Variants in PLEKHA2 observed in about 807,000 individuals in gnomAD.
The protein encoded by PLEKHA2 is pleckstrin homology domain-containing family A member 2.
PLEKHA2 carries 28 observed loss-of-function variants against 53.2 expected under a neutral mutation model. The observed-to-expected ratio is 0.53, with a 90% CI of 0.39 to 0.72. The LOEUF is 0.72. Ranked by LOEUF, PLEKHA2 falls within the 30% of genes least tolerant of loss-of-function variation. The probability of loss-of-function intolerance (pLI) is 0.00; values close to 1 mark genes in which losing one functional copy is unlikely to be tolerated. For missense variants in PLEKHA2, 426 were observed against 537.9 expected, an observed-to-expected ratio of 0.79 and a Z score of 2.06; for synonymous variants, 193 against 196.4, an observed-to-expected ratio of 0.98 and a Z score of 0.14.
intron 2 of PLEKHA2, among the ~76,000 whole-genome samples, chr8:38,926,581 A>AT (rs1834293111): frequency 6.6e-6 from 1 of 152,156 alleles, no homozygotes; most frequent in Non-Finnish European, 1.5e-5. Context: ...TAGCCATCAT[A>AT]TTTTTTAAAC....
At chr8:38,938,647 T>C (rs888601429) in intron 3 of PLEKHA2, among the ~76,000 whole-genome samples, 5 of 152,208 alleles carry the variant, frequency 3.3e-5, no homozygotes, top group African/African-American at 1.2e-4. Context: ...ACGGGGGACC[T>C]GTGCCCACTC....
intron 1 of PLEKHA2, among the ~76,000 whole-genome samples, chr8:38,910,834 G>A (rs917744180): frequency 6.6e-6 from 1 of 152,176 alleles, no homozygotes; most frequent in African/African-American, 2.4e-5. Flanking sequence ...GTCCATTAAT[G>A]TTATGCAACC....
At position 38,911,635 on chromosome 8, in the gene PLEKHA2, C is replaced by T. The variant is rs774745686; in HGVS notation, c.-23-6272C>T. On this transcript the variant is annotated intron_variant, in intron 1 of 11. Transcript: ENST00000617275. ...GGGAACTCTTGAGATAAACCACCCTCGGTCACCCTCTACCCAATATTTTCA... is the reference window on the plus strand; with the variant it reads ...GGGAACTCTTGAGATAAACCACCCTTGGTCACCCTCTACCCAATATTTTCA... 3.9e-5 allele frequency among the ~76,000 whole-genome samples: 6 copies of T among 152,156 alleles called. No homozygotes were observed. In the South Asian group the frequency reaches 6.2e-4, roughly 16 times the overall value.
rs889751207 is a variant in PLEKHA2, at chr8:38,906,909, A to G, written c.-24+5464A>G. ...TATGTATTCTAGCAACAGGTGAGTGACTGCTCCATATCTCTATACCTCAGT... is the reference window on the plus strand; with the variant it reads ...TATGTATTCTAGCAACAGGTGAGTGGCTGCTCCATATCTCTATACCTCAGT... On this transcript the variant is annotated intron_variant, in intron 1 of 11. Transcript: ENST00000617275. 4.6e-5 allele frequency among the ~76,000 whole-genome samples: 7 copies of G among 152,180 alleles called. 1 individual carries two copies. The highest frequency in any genetic ancestry group is 1.7e-4 in the African/African-American group (7 of 41,438).
At chr8:38,968,730 C>T in intron 11 of PLEKHA2, 61 bp downstream of exon 11, 1 of 1,575,210 alleles carries the variant, frequency 6.3e-7, no homozygotes, top group Non-Finnish European at 8.7e-7. Context: ...CTCAAGCAGG[C>T]ATGTTTTATT....
At chr8:38,947,640 A>G (rs1381296277) in intron 5 of PLEKHA2, among the ~76,000 whole-genome samples, 2 of 152,118 alleles carry the variant, frequency 1.3e-5, no homozygotes, top group African/African-American at 2.4e-5. Flanking sequence ...AGTCTCAGGT[A>G]GTGTAAACAG....
intron 10 of PLEKHA2, among the ~76,000 whole-genome samples, chr8:38,960,046 T>C (rs201692441): frequency 6.6e-6 from 1 of 152,188 alleles, no homozygotes; most frequent in East Asian, 1.9e-4. Flanking sequence ...AGCTTTGGAC[T>C]AAAGACAGCA....
At chr8:38,948,778 A>G (rs2129421634) in intron 5 of PLEKHA2, among the ~76,000 whole-genome samples, 2 of 152,262 alleles carry the variant, frequency 1.3e-5, no homozygotes, top group South Asian at 2.1e-4. Flanking sequence ...CCCGGCAGAT[A>G]GATGTAGGGT....
intron 8 of PLEKHA2, 134 bp downstream of exon 8, chr8:38,952,838 C>A: frequency 1.2e-6 from 1 of 849,598 alleles, no homozygotes; most frequent in African/African-American, 1.7e-5. Flanking sequence ...GTCTTATCTC[C>A]ATTCTGTGCA....
chr8:38,903,265 C>G (rs1217086872), intron 1 of PLEKHA2, among the ~76,000 whole-genome samples: 1 of 152,210 alleles, frequency 6.6e-6, no homozygotes. Context: ...CTATGGCACT[C>G]CTAGTGGGGT....
chr8:38,969,894 A>C lies in PLEKHA2; in HGVS notation c.*111A>C, dbSNP rs1835214457. The C allele has an allele frequency of 6.9e-7, 1 of 1,448,538 alleles. No individual in the cohort carries two copies. The highest frequency in any genetic ancestry group is 1.4e-5 in the African/African-American group (1 of 69,314). The allele number at this position is 1,448,538 out of a possible 1,614,324, so 89.7% of individuals were successfully genotyped here. A position where few individuals can be genotyped will look rare whatever the true frequency, so the allele number is the denominator to read the frequency against. On this transcript the variant is annotated 3_prime_UTR_variant, in exon 12 of 12. Coordinates refer to ENST00000617275, the MANE Select transcript of PLEKHA2 (RefSeq NM_021623.2). ...GTAGTCAGAGGCCTTTATGTCACTC[A>C]TATTCCTGTGGATGCTCTTTGGGAG...
rs996199450 is a variant in PLEKHA2, at chr8:38,922,413, T to C, written c.141+4343T>C. ...GGTCAGAAGTCAGGTCACTGGGGAA[T>C]GTGGAGTGCCCAACATTGCTTTCCT... On this transcript the variant is annotated intron_variant, in intron 2 of 11. Coordinates refer to ENST00000617275, the MANE Select transcript of PLEKHA2 (RefSeq NM_021623.2). This position sits in a 1 kb window ranked among gnomAD's most constrained non-coding sequence, Gnocchi z 4.0. Among the ~76,000 whole-genome samples, 1 of 152,048 alleles carries C rather than the reference T, an allele frequency of 6.6e-6. No homozygotes were observed. The highest frequency in any genetic ancestry group is 1.5e-5 in the Non-Finnish European group (1 of 67,992).
chr8:38,915,202 C>T (rs35493700), intron 1 of PLEKHA2, among the ~76,000 whole-genome samples: 124,609 of 152,138 alleles, frequency 0.82, 51,077 homozygotes, highest in African/African-American at 0.84. Context: ...CACCTCAGTC[C>T]CCCAAAGTGC....
intron 2 of PLEKHA2, among the ~76,000 whole-genome samples, chr8:38,934,276 G>A (rs2129418750): frequency 6.6e-6 from 1 of 152,214 alleles, no homozygotes; most frequent in Admixed American, 6.5e-5. Context: ...ACAGGTGTGA[G>A]CCACCACGCC....
chr8:38,948,230 T>G (rs1834753098), intron 5 of PLEKHA2, among the ~76,000 whole-genome samples: 1 of 152,172 alleles, frequency 6.6e-6, no homozygotes, highest in African/African-American at 2.4e-5. Flanking sequence ...CCTAAAAATG[T>G]GGTTACATAA....
At chr8:38,954,528 C>T (rs1004526804) in intron 9 of PLEKHA2, among the ~76,000 whole-genome samples, 3 of 152,076 alleles carry the variant, frequency 2.0e-5, no homozygotes, top group Non-Finnish European at 2.9e-5. Context: ...CTTTCTCTAA[C>T]TCTCTAACTC....
chr8:38,947,314 G>A (rs1252313342), intron 5 of PLEKHA2, among the ~76,000 whole-genome samples: 4 of 152,154 alleles, frequency 2.6e-5, no homozygotes, highest in Non-Finnish European at 5.9e-5. Context: ...GCTGGGCGTG[G>A]TGGCACACGC....
chr8:38,947,992 A>C lies in PLEKHA2; in HGVS notation c.345+1771A>C, dbSNP rs1217228671. Among the ~76,000 whole-genome samples the C allele has an allele frequency of 2.0e-5, 3 of 151,528 alleles. No individual in the cohort carries two copies. The East Asian group carries it at 5.8e-4, about 29-fold the overall frequency. ...TCCCAGCTACTTGGGAGGCTGAGGC[A>C]GGAGAATCACTTGAACCCAGGAGCT... On this transcript the variant is annotated intron_variant, in intron 5 of 11. Transcript: ENST00000617275.
At chr8:38,968,795 C>A in intron 11 of PLEKHA2, 126 bp downstream of exon 11, 1 of 884,126 alleles carries the variant, frequency 1.1e-6, no homozygotes, top group Non-Finnish European at 1.7e-6. Context: ...CCCAGGCTGT[C>A]TTGCTTGTTT....
Sources: allele counts gnomAD v4.1 joint callset (sites outside exome capture counted in the v4.1 genomes callset), GRCh38; gene constraint gnomAD v4.1.1; non-coding constraint Gnocchi (gnomAD v3.1); transcripts MANE v1.5; gene names NCBI Gene and HGNC (gene_info 2026-07-23, HGNC 2026-07-21).